SLC24A2: variants seen among roughly 807,000 people sequenced by gnomAD.
The protein encoded by SLC24A2 is sodium/potassium/calcium exchanger 2.
Under a neutral mutation model 62.0 loss-of-function variants are expected in SLC24A2, and 36 were observed. The ratio of observed to expected loss-of-function variants is 0.58; its 90% CI spans 0.44 to 0.77. SLC24A2 has a LOEUF of 0.77. Ranked by LOEUF, SLC24A2 falls within the 30% of genes least tolerant of loss-of-function variation. The probability of loss-of-function intolerance (pLI) is 0.00; values close to 1 mark genes in which losing one functional copy is unlikely to be tolerated. For synonymous variants in SLC24A2, 358 were observed against 294.0 expected (o/e 1.22, Z -2.23); for missense variants, 846 against 817.9 (o/e 1.03, Z -0.42).
chr9:19,554,598 T>A (rs1158269141), intron 7 of SLC24A2, among the ~76,000 whole-genome samples: 1 of 152,194 alleles, frequency 6.6e-6, no homozygotes, highest in African/African-American at 2.4e-5. Context: ...GTTTTCAGCC[T>A]TCTCGGCAAG....
At chr9:20,142,717 T>C in the SLC24A2 span, among the ~76,000 whole-genome samples, 1 of 152,182 alleles carries the variant, frequency 6.6e-6, no homozygotes, top group Non-Finnish European at 1.5e-5. Context: ...TGCCTCAGCC[T>C]CCCAAGGAGC....
chr9:20,230,290 A>T, the SLC24A2 span, among the ~76,000 whole-genome samples: 2 of 152,128 alleles, frequency 1.3e-5, no homozygotes, highest in African/African-American at 4.8e-5. Context: ...CTAGTTCTAG[A>T]TCCCTGAGGA....
At chr9:19,563,641 C>T (rs578115055) in intron 7 of SLC24A2, among the ~76,000 whole-genome samples, 200 of 152,250 alleles carry the variant, frequency 1.3e-3, no homozygotes, top group African/African-American at 3.9e-3. Context: ...ACAACAGTGA[C>T]GATGCCAATC....
At chr9:19,758,685 A>C (rs541626142) in intron 2 of SLC24A2, among the ~76,000 whole-genome samples, 24 of 152,266 alleles carry the variant, frequency 1.6e-4, no homozygotes, top group Admixed American at 5.9e-4. Flanking sequence ...TGGCTTTTGT[A>C]AGTGTGAGGG....
the SLC24A2 span, among the ~76,000 whole-genome samples, chr9:19,924,309 C>T: frequency 2.6e-5 from 4 of 152,222 alleles, no homozygotes; most frequent in African/African-American, 9.7e-5. Flanking sequence ...TCAGATGTGT[C>T]ATCCCCAGCC....
chr9:20,132,251 A>G, the SLC24A2 span, among the ~76,000 whole-genome samples: 1 of 152,202 alleles, frequency 6.6e-6, no homozygotes, highest in Non-Finnish European at 1.5e-5. Flanking sequence ...GGGGAAAAGA[A>G]AAATCAGCAC....
rs1819340647 is a variant in SLC24A2 at position 19,669,104 on chromosome 9, T to G, written c.931-46805A>C. Among the ~76,000 whole-genome samples, 3 of 152,222 alleles carry G rather than the reference T, an allele frequency of 2.0e-5. No individual in the cohort carries two copies. The South Asian group carries it at 6.2e-4, about 32-fold the overall frequency. On this transcript the variant is annotated intron_variant, in intron 2 of 10. Transcript: ENST00000341998. ...TCTTATACGGTATAGTTATTCTTCA[T>G]AGCTTGAAAGAAGAAGAGAATAAGA...
chr9:20,151,081 T>C, the SLC24A2 span, among the ~76,000 whole-genome samples: 1 of 151,922 alleles, frequency 6.6e-6, no homozygotes, highest in African/African-American at 2.4e-5. Context: ...AAGAATCCTC[T>C]GTAGCGAAGA....
At chr9:19,752,217 T>G (rs1254329829) in intron 2 of SLC24A2, among the ~76,000 whole-genome samples, 2 of 151,956 alleles carry the variant, frequency 1.3e-5, no homozygotes, top group Admixed American at 6.6e-5. Flanking sequence ...AGGATGGAGC[T>G]AGGTAGAACA....
intron 2 of SLC24A2, among the ~76,000 whole-genome samples, chr9:19,648,276 A>G (rs1365597790): frequency 6.6e-6 from 1 of 152,156 alleles, no homozygotes; most frequent in Non-Finnish European, 1.5e-5. Context: ...GATTCTAATA[A>G]AAAAGGGAAA....
At chr9:19,864,276 C>G in the SLC24A2 span, among the ~76,000 whole-genome samples, 1 of 151,758 alleles carries the variant, frequency 6.6e-6, no homozygotes, top group South Asian at 2.1e-4. Context: ...AATCCTAAAA[C>G]TATTCCAAAA....
chr9:19,789,772 G>A (rs955938032), upstream of SLC24A2, among the ~76,000 whole-genome samples: 2 of 152,128 alleles, frequency 1.3e-5, no homozygotes, highest in Non-Finnish European at 2.9e-5. Context: ...GGTAGTGAGG[G>A]AACCCCTTTT....
chr9:19,744,560 C>T (rs183335812), intron 2 of SLC24A2, among the ~76,000 whole-genome samples: 62 of 152,228 alleles, frequency 4.1e-4, no homozygotes, highest in East Asian at 3.5e-3. Flanking sequence ...AGGGGACAGC[C>T]GCTACTTGGC....
rs192255800 is a variant in SLC24A2, at chr9:19,511,101, C to T, written c.*5052G>A. On this transcript the variant is annotated 3_prime_UTR_variant, in exon 11 of 11. Coordinates refer to ENST00000341998, the MANE Select transcript of SLC24A2 (RefSeq NM_020344.4). The stretch of plus-strand genomic sequence containing the variant: ...GTGTGCCTGTGATTTCTACAGACGA[C>T]TACATGCTCCGGGTGATTACATGCC... The T allele has an allele frequency of 2.6e-5, 4 of 152,272 alleles. No homozygotes were observed. The East Asian group carries it at 7.7e-4, about 29-fold the overall frequency. The allele number at this position is 152,272 out of a possible 1,614,324, so 9.4% of individuals were successfully genotyped here.
At chr9:20,170,421 T>C in the SLC24A2 span, among the ~76,000 whole-genome samples, 20 of 151,954 alleles carry the variant, frequency 1.3e-4, no homozygotes, top group Non-Finnish European at 2.8e-4. Flanking sequence ...CCCTCCCCCA[T>C]GGGCTGGGGT....
At chr9:19,985,173 G>C in the SLC24A2 span, among the ~76,000 whole-genome samples, 1 of 152,128 alleles carries the variant, frequency 6.6e-6, no homozygotes, top group Non-Finnish European at 1.5e-5. Flanking sequence ...TTGGAAAACA[G>C]TTTGGCAGTT....
At chr9:19,878,626 C>G in the SLC24A2 span, among the ~76,000 whole-genome samples, 4 of 151,872 alleles carry the variant, frequency 2.6e-5, no homozygotes, top group Admixed American at 1.3e-4. Context: ...GAGTTCTTAC[C>G]AGATCTGGTT....
At chr9:19,551,009 A>T (rs753617914) in intron 7 of SLC24A2, among the ~76,000 whole-genome samples, 6 of 152,054 alleles carry the variant, frequency 3.9e-5, no homozygotes, top group Non-Finnish European at 8.8e-5. Context: ...TAGCTTTGGA[A>T]TATATAGTGT....
the SLC24A2 span, among the ~76,000 whole-genome samples, chr9:19,806,437 T>C: frequency 2.6e-5 from 4 of 152,180 alleles, no homozygotes; most frequent in Non-Finnish European, 4.4e-5. Flanking sequence ...GTCATTTATA[T>C]AGACAGGTTT....
Sources: gnomAD v4.1 joint callset for allele counts (sites outside exome capture counted in the v4.1 genomes callset) on GRCh38, gnomAD v4.1.1 for gene constraint, MANE v1.5 for transcripts, NCBI Gene and HGNC (gene_info 2026-07-23, HGNC 2026-07-21) for gene names.